The following SLC15A2 variants were observed in gnomAD, a reference collection of about 807,000 sequenced individuals.
SLC15A2 encodes the protein kidney H(+)/peptide cotransporter.
In SLC15A2, 77 loss-of-function variants were observed where a neutral mutation model predicts 95.5. That is an observed-to-expected ratio of 0.81 (90% CI 0.67 to 0.97). The LOEUF is 0.97. Ranked by LOEUF, SLC15A2 falls within the 50% of genes least tolerant of loss-of-function variation. SLC15A2 has a pLI of 0.00. For synonymous variants in SLC15A2, 306 were observed against 306.9 expected, an observed-to-expected ratio of 1.00 and a Z score of 0.03; for missense variants, 893 against 874.4, an observed-to-expected ratio of 1.02 and a Z score of -0.27.
At chr3:121,902,580 A>C (rs900435799) in intron 3 of SLC15A2, among the ~76,000 whole-genome samples, 1 of 152,040 alleles carries the variant, frequency 6.6e-6, no homozygotes, top group South Asian at 2.1e-4. Context: ...TCATTGTTCA[A>C]TTCCCACCTA....
chr3:121,896,130 T>C (rs1031253297), intron 1 of SLC15A2, among the ~76,000 whole-genome samples: 5 of 152,182 alleles, frequency 3.3e-5, no homozygotes, highest in African/African-American at 1.2e-4. Context: ...ATTTAGTAGT[T>C]GTGGGAAGAT....
chr3:121,920,091 T>C (rs1340410207), intron 7 of SLC15A2, among the ~76,000 whole-genome samples: 1 of 152,198 alleles, frequency 6.6e-6, no homozygotes, highest in African/African-American at 2.4e-5. Context: ...TCAAGGTTTA[T>C]ACTCATCTTC....
intron 3 of SLC15A2, among the ~76,000 whole-genome samples, chr3:121,909,277 G>T (rs1709715025): frequency 6.6e-6 from 1 of 152,044 alleles, no homozygotes; most frequent in Non-Finnish European, 1.5e-5. Flanking sequence ...TGGCCAGGCT[G>T]GTCTTGAACT....
rs1214452750 is a variant in SLC15A2, at chr3:121,925,725, ACTATAT to A, written c.1124+693_1124+698del. Among the ~76,000 whole-genome samples, 7 of 56,318 alleles carry A rather than the reference ACTATAT, an allele frequency of 1.2e-4. 2 individuals carry two copies. The highest frequency in any genetic ancestry group is 1.6e-4 in the Non-Finnish European group (5 of 30,588). 36.9% of individuals were successfully genotyped at this position (56,318 alleles called of 152,430 possible). A position where few individuals can be genotyped will look rare whatever the true frequency, so the allele number is the denominator to read the frequency against. On this transcript the variant is annotated intron_variant, in intron 13 of 21. Transcript: ENST00000489711. ...GTTTATTACTTAGTAAAGGGGCTAG[ACTATAT>A]ATATATATATATATATATATATATA...
chr3:121,921,583 G>A lies in SLC15A2; in HGVS notation c.698-637G>A, dbSNP rs1369176861. The stretch of plus-strand genomic sequence containing the variant: ...TGATAAACCTTCAAATAGATGTTAG[G>A]GATAACAATAACCATTAGGATAACA... On this transcript the variant is annotated intron_variant, in intron 7 of 21. Coordinates refer to ENST00000489711, the MANE Select transcript of SLC15A2 (RefSeq NM_021082.4). 2.0e-5 allele frequency among the ~76,000 whole-genome samples: 3 copies of A among 152,068 alleles called. No individual in the cohort carries two copies. The East Asian group carries it at 5.8e-4, about 29-fold the overall frequency.
chr3:121,919,223 C>T (rs376504602), intron 7 of SLC15A2, among the ~76,000 whole-genome samples: 2 of 152,182 alleles, frequency 1.3e-5, no homozygotes, highest in Admixed American at 6.5e-5. Flanking sequence ...GAGCGTGTTA[C>T]GGCTCTTTTA....
chr3:121,922,075 A>C lies in SLC15A2; in HGVS notation c.698-145A>C, dbSNP rs1460645690. 15 of 598,722 alleles carry C rather than the reference A, an allele frequency of 2.5e-5. No homozygotes were observed. In the East Asian group the frequency reaches 4.2e-4, roughly 17 times the overall value. 37.1% of individuals were successfully genotyped at this position (598,722 alleles called of 1,614,324 possible). A position where few individuals can be genotyped will look rare whatever the true frequency, so the allele number is the denominator to read the frequency against. On this transcript the variant is annotated intron_variant, in intron 7 of 21. Transcript: ENST00000489711. Reference sequence around the variant, plus strand: ...TCCCACAGTTCAGCATTCTGTCCTTAGCGCTGATATACTGAATGTGCTATT... The same window carrying C: ...TCCCACAGTTCAGCATTCTGTCCTTCGCGCTGATATACTGAATGTGCTATT...
rs557765069 is a variant in SLC15A2, at chr3:121,896,078, GTAAA to G, written c.106-325_106-322del. Reference sequence around the variant, plus strand: ...TACCTCTTTATTCTGTTCCTAGGAAGTAAATATCACCATTCTTCTGCCCCAGAGC... The same window carrying G: ...TACCTCTTTATTCTGTTCCTAGGAAGTATCACCATTCTTCTGCCCCAGAGC... On this transcript the variant is annotated intron_variant, in intron 1 of 21. Coordinates refer to ENST00000489711, the MANE Select transcript of SLC15A2 (RefSeq NM_021082.4). 4.1e-4 allele frequency among the ~76,000 whole-genome samples: 62 copies of G among 152,318 alleles called. 1 individual carries two copies. The highest frequency in any genetic ancestry group is 9.0e-4 in the Non-Finnish European group (61 of 68,020).
intron 19 of SLC15A2, among the ~76,000 whole-genome samples, chr3:121,934,074 G>A (rs2107608569): frequency 6.6e-6 from 1 of 152,040 alleles, no homozygotes; most frequent in East Asian, 1.9e-4. Context: ...GATAGTTGTA[G>A]ATATGTGGCA....
chr3:121,939,184 AAAG>A (rs542628402), intron 19 of SLC15A2, 162 bp from the exon 20 acceptor site: 10 of 464,626 alleles, frequency 2.2e-5, no homozygotes, highest in African/African-American at 1.6e-4. Context: ...AATATTACGA[AAAG>A]AAGTTTTGAA....
intron 3 of SLC15A2, among the ~76,000 whole-genome samples, chr3:121,910,886 A>G (rs1350904869): frequency 6.6e-6 from 1 of 152,178 alleles, no homozygotes; most frequent in African/African-American, 2.4e-5. Context: ...AAAACAATAC[A>G]ACAGGATGTT....
At chr3:121,906,373 T>C (rs1231537289) in intron 3 of SLC15A2, among the ~76,000 whole-genome samples, 1 of 152,252 alleles carries the variant, frequency 6.6e-6, no homozygotes, top group African/African-American at 2.4e-5. Context: ...AGGTTAATAT[T>C]GTTATGTGTT....
At chr3:121,939,535 C>T in intron 20 of SLC15A2, 40 bp downstream of exon 20, 1 of 1,452,494 alleles carries the variant, frequency 6.9e-7, no homozygotes, top group South Asian at 1.5e-5. Flanking sequence ...TGAGGCATTG[C>T]TTGAAGGACA....
At chr3:121,907,685 G>C (rs181634574) in intron 3 of SLC15A2, among the ~76,000 whole-genome samples, 2 of 152,344 alleles carry the variant, frequency 1.3e-5, no homozygotes, top group Non-Finnish European at 2.9e-5. Flanking sequence ...ACCAGTGGAG[G>C]CTGCAGAACA....
At chr3:121,912,958 T>C (rs2107584599) in intron 4 of SLC15A2, 63 bp from the exon 5 acceptor site, 3 of 1,169,340 alleles carry the variant, frequency 2.6e-6, no homozygotes, top group Non-Finnish European at 3.8e-6. Flanking sequence ...TGCAGCTCTG[T>C]AGTCCATCTC....
Position 121,924,480 on chromosome 3 carries a change from C to T in SLC15A2, c.1035+97C>T, listed in dbSNP as rs1710072370. On this transcript the variant is annotated intron_variant, in intron 12 of 21. Transcript: ENST00000489711. The stretch of plus-strand genomic sequence containing the variant: ...TTAACAACCATAATTTGATGCTTTT[C>T]TCCTTGTACGCTGATAAGGGCCAAG... The T allele has an allele frequency of 2.7e-6, 3 of 1,126,628 alleles. No individual in the cohort carries two copies. In the East Asian group the frequency reaches 7.0e-5, roughly 26 times the overall value. The allele number at this position is 1,126,628 out of a possible 1,614,324, so 69.8% of individuals were successfully genotyped here. A position where few individuals can be genotyped will look rare whatever the true frequency, so the allele number is the denominator to read the frequency against.
intron 19 of SLC15A2, among the ~76,000 whole-genome samples, chr3:121,936,721 T>A (rs2107611537): frequency 6.6e-6 from 1 of 151,090 alleles, no homozygotes; most frequent in African/African-American, 2.4e-5. Flanking sequence ...TTTATCCAAT[T>A]TGCCAGTCTG....
chr3:121,928,201 GCAT>G lies in SLC15A2; in HGVS notation c.1207-218_1207-216del, dbSNP rs1710159503. On this transcript the variant is annotated intron_variant, in intron 14 of 21. Coordinates refer to ENST00000489711, the MANE Select transcript of SLC15A2 (RefSeq NM_021082.4). ...GATGAGGCCACAGCTGAGTCAAAAA[GCAT>G]CGAGTTTGTAAGCTGGCATTGGTAC... is the stretch of plus-strand genomic sequence containing the variant. The G allele has an allele frequency of 8.6e-6, 5 of 582,546 alleles. No individual in the cohort carries two copies. In the South Asian group the frequency reaches 1.2e-4, roughly 13 times the overall value. The allele number at this position is 582,546 out of a possible 1,614,324, so 36.1% of individuals were successfully genotyped here. A position where few individuals can be genotyped will look rare whatever the true frequency, so the allele number is the denominator to read the frequency against.
chr3:121,910,322 C>T (rs1034646287), intron 3 of SLC15A2, among the ~76,000 whole-genome samples: 10 of 151,858 alleles, frequency 6.6e-5, no homozygotes, highest in Admixed American at 1.3e-4. Flanking sequence ...TCAGCCTCCC[C>T]GCTAGCTGGG....
Sources: allele counts gnomAD v4.1 joint callset (sites outside exome capture counted in the v4.1 genomes callset), GRCh38; gene constraint gnomAD v4.1.1; transcripts MANE v1.5; gene names NCBI Gene and HGNC (gene_info 2026-07-23, HGNC 2026-07-21).